HYAL4: variants seen among roughly 807,000 people sequenced by gnomAD.
The protein encoded by HYAL4 is hyaluronidase 4.
In HYAL4, 37 loss-of-function variants were observed where a neutral mutation model predicts 35.2. The ratio of observed to expected loss-of-function variants is 1.05; its 90% CI spans 0.81 to 1.38. The LOEUF (loss-of-function observed/expected upper bound fraction) is 1.38. Ranked by LOEUF, HYAL4 falls within the 40% of genes most tolerant of loss-of-function variation. HYAL4 has a pLI of 0.00. For missense variants in HYAL4, 572 were observed against 572.4 expected, an observed-to-expected ratio of 1.00 and a Z score of 0.01; for synonymous variants, 198 against 203.2, an observed-to-expected ratio of 0.97 and a Z score of 0.22.
At position 123,859,335 on chromosome 7, in the gene HYAL4, C is replaced by T. The variant is rs114515280; in HGVS notation, c.-51-8888C>T. On this transcript the variant is annotated intron_variant, in intron 2 of 4. Coordinates refer to ENST00000223026, the MANE Select transcript of HYAL4 (RefSeq NM_012269.3). Reference sequence around the variant, plus strand: ...TATTACTGTAAAGTATATTTTTCCACTAGTATTAAATAATTCACCGGTATT... The same window carrying T: ...TATTACTGTAAAGTATATTTTTCCATTAGTATTAAATAATTCACCGGTATT... 4.0e-3 allele frequency among the ~76,000 whole-genome samples: 614 copies of T among 152,262 alleles called. 4 individuals carry two copies. Among genetic ancestry groups the T allele is most frequent in the African/African-American group, 0.014 (580 of 41,554 alleles).
intron 2 of HYAL4, among the ~76,000 whole-genome samples, chr7:123,852,191 C>A (rs577084627): frequency 6.6e-6 from 1 of 152,210 alleles, no homozygotes; most frequent in South Asian, 2.1e-4. Flanking sequence ...TGTAGGTTGC[C>A]TGTTCACTCT....
the HYAL4 span, among the ~76,000 whole-genome samples, chr7:123,796,443 G>T: frequency 2.6e-5 from 4 of 152,166 alleles, no homozygotes; most frequent in Non-Finnish European, 5.9e-5. Context: ...TATATGAGAT[G>T]CTATCAGTTC....
chr7:123,796,189 T>C, the HYAL4 span, among the ~76,000 whole-genome samples: 2 of 152,102 alleles, frequency 1.3e-5, no homozygotes, highest in Admixed American at 1.3e-4. Flanking sequence ...CAAGCAACAA[T>C]TCAAACACAG....
the HYAL4 span, among the ~76,000 whole-genome samples, chr7:123,813,370 A>C: frequency 2.0e-5 from 3 of 152,148 alleles, no homozygotes; most frequent in African/African-American, 4.8e-5. Flanking sequence ...TCGTCCCAAC[A>C]GACTAGTTAA....
At chr7:123,819,245 T>A in the HYAL4 span, 1 of 152,722 alleles carries the variant, frequency 6.5e-6, no homozygotes, top group Non-Finnish European at 1.5e-5. Context: ...TATTAACGTG[T>A]TCCTTACCAC....
At chr7:123,850,550 G>C (rs150932597) in intron 2 of HYAL4, among the ~76,000 whole-genome samples, 22 of 152,196 alleles carry the variant, frequency 1.4e-4, no homozygotes, top group African/African-American at 5.1e-4. Flanking sequence ...ACTTATAATA[G>C]AATTACAGAT....
chr7:123,876,628 C>A, intron 4 of HYAL4, 126 bp from the exon 5 acceptor site: 2 of 1,020,272 alleles, frequency 2.0e-6, no homozygotes, highest in Non-Finnish European at 2.9e-6. Context: ...ATGTTTTAAT[C>A]AAGACCAAAG....
rs551538344 is a variant in HYAL4 at position 123,877,338 on chromosome 7, G to T, written c.*183G>T. 1 of 589,648 alleles carries T rather than the reference G, an allele frequency of 1.7e-6. No individual in the cohort carries two copies. The highest frequency in any genetic ancestry group is 1.8e-5 in the African/African-American group (1 of 54,096). 36.5% of individuals were successfully genotyped at this position (589,648 alleles called of 1,614,324 possible). On this transcript the variant is annotated 3_prime_UTR_variant, in exon 5 of 5. Transcript: ENST00000223026. ...TGCCTCCAGTCTGGCTAGGAAACCA[G>T]ATCTGGGGTAAAGTCAATGTACACT...
chr7:123,769,223 C>T, the HYAL4 span, among the ~76,000 whole-genome samples: 8 of 152,136 alleles, frequency 5.3e-5, no homozygotes, highest in Middle Eastern at 3.4e-3. Flanking sequence ...CAAGACACAA[C>T]GTAAGGCTCT....
At chr7:123,821,369 C>T in the HYAL4 span, among the ~76,000 whole-genome samples, 1 of 152,104 alleles carries the variant, frequency 6.6e-6, no homozygotes, top group Non-Finnish European at 1.5e-5. Flanking sequence ...GAGGTGATAG[C>T]TCATTGTTTT....
At chr7:123,841,020 C>G (rs1053317201), upstream of HYAL4, among the ~76,000 whole-genome samples, 1 of 151,968 alleles carries the variant, frequency 6.6e-6, no homozygotes, top group Non-Finnish European at 1.5e-5. Context: ...ACTTCCAACA[C>G]TATGTTGAAT....
the HYAL4 span, among the ~76,000 whole-genome samples, chr7:123,811,678 A>G: frequency 1.3e-5 from 2 of 152,108 alleles, no homozygotes; most frequent in African/African-American, 4.8e-5. Flanking sequence ...GATGTTTTTA[A>G]TGAAATCCAG....
At chr7:123,842,484 G>A (rs1028726567), upstream of HYAL4, among the ~76,000 whole-genome samples, 9 of 151,998 alleles carry the variant, frequency 5.9e-5, no homozygotes, top group African/African-American at 1.7e-4. Flanking sequence ...TTGATTTCGG[G>A]TGGAGAGTTC....
intron 2 of HYAL4, among the ~76,000 whole-genome samples, chr7:123,862,041 A>G (rs1254325853): frequency 6.6e-6 from 1 of 152,200 alleles, no homozygotes; most frequent in Non-Finnish European, 1.5e-5. Context: ...ATGTTTCAAA[A>G]GAGAAAAAGT....
intron 3 of HYAL4, among the ~76,000 whole-genome samples, chr7:123,874,282 A>G (rs1163440196): frequency 6.6e-6 from 1 of 152,146 alleles, no homozygotes. Context: ...ATTTTTGAGC[A>G]TTGGTTTATT....
chr7:123,876,615 AT>A, intron 4 of HYAL4, 138 bp from the exon 5 acceptor site: 1 of 882,000 alleles, frequency 1.1e-6, no homozygotes, highest in Non-Finnish European at 1.7e-6. Flanking sequence ...GAACCAAGCC[AT>A]TATGTTTTAA....
the HYAL4 span, among the ~76,000 whole-genome samples, chr7:123,816,609 T>C: frequency 6.6e-6 from 1 of 152,142 alleles, no homozygotes; most frequent in East Asian, 1.9e-4. Flanking sequence ...CTATTGGACT[T>C]TTTAATCTTT....
At chr7:123,857,379 T>G (rs1806465193) in intron 2 of HYAL4, among the ~76,000 whole-genome samples, 1 of 152,130 alleles carries the variant, frequency 6.6e-6, no homozygotes, top group Non-Finnish European at 1.5e-5. Context: ...GCAGCTGGGC[T>G]GGATAGCACT....
the HYAL4 span, among the ~76,000 whole-genome samples, chr7:123,771,142 A>G: frequency 5.3e-5 from 8 of 152,198 alleles, no homozygotes; most frequent in Middle Eastern, 3.2e-3. Context: ...GAGAAGATCT[A>G]TTTCTAAAAA....
Sources: gnomAD v4.1 joint callset for allele counts (sites outside exome capture counted in the v4.1 genomes callset) on GRCh38, gnomAD v4.1.1 for gene constraint, MANE v1.5 for transcripts, NCBI Gene and HGNC (gene_info 2026-07-23, HGNC 2026-07-21) for gene names.